Variants in EXOC6B observed in about 807,000 individuals in gnomAD.
EXOC6B encodes the protein SEC15 homolog B.
EXOC6B carries 54 observed loss-of-function variants against 113.5 expected under a neutral mutation model. The observed-to-expected ratio is 0.48, with a 90% CI of 0.38 to 0.60. The LOEUF (loss-of-function observed/expected upper bound fraction) is 0.60. EXOC6B is among the 20% of genes least tolerant of loss of function. The pLI, the probability that EXOC6B is intolerant of heterozygous loss-of-function variation, is 0.00. For missense variants in EXOC6B, 797 were observed against 977.5 expected, an observed-to-expected ratio of 0.82 and a Z score of 2.46; for synonymous variants, 357 against 339.0, an observed-to-expected ratio of 1.05 and a Z score of -0.58.
intron 18 of EXOC6B, among the ~76,000 whole-genome samples, chr2:72,449,946 ATC>A (rs1696814342): frequency 6.6e-6 from 1 of 152,214 alleles, no homozygotes; most frequent in Non-Finnish European, 1.5e-5. Context: ...ACTCTTATTT[ATC>A]TCTGTCTAAC....
intron 13 of EXOC6B, among the ~76,000 whole-genome samples, chr2:72,497,418 C>T (rs1700097404): frequency 6.6e-6 from 1 of 152,062 alleles, no homozygotes; most frequent in South Asian, 2.1e-4. Context: ...GATAGGTTCT[C>T]TCTCCTTAAA....
chr2:72,739,437 T>C (rs767257688), intron 2 of EXOC6B, among the ~76,000 whole-genome samples: 22 of 152,130 alleles, frequency 1.4e-4, no homozygotes, highest in Non-Finnish European at 3.1e-4. Flanking sequence ...AATCTTCATA[T>C]ATAAGGATAT....
chr2:72,286,055 T>C (rs1459682339), intron 20 of EXOC6B, among the ~76,000 whole-genome samples: 1 of 152,162 alleles, frequency 6.6e-6, no homozygotes, highest in Non-Finnish European at 1.5e-5. Flanking sequence ...TGCAAAATGG[T>C]ATAGTCACTT....
intron 5 of EXOC6B, among the ~76,000 whole-genome samples, chr2:72,725,672 G>A (rs900768289): frequency 5.3e-5 from 8 of 152,162 alleles, no homozygotes; most frequent in Non-Finnish European, 1.2e-4. Context: ...GATTACAGGC[G>A]TAAGCCACCA....
chr2:72,302,249 T>A (rs926928547), intron 20 of EXOC6B, among the ~76,000 whole-genome samples: 4 of 152,232 alleles, frequency 2.6e-5, no homozygotes, highest in African/African-American at 4.8e-5. Flanking sequence ...AGGATTGTTT[T>A]ATGTTCGATT....
chr2:72,691,597 T>TA (rs886758358), intron 6 of EXOC6B, among the ~76,000 whole-genome samples: 2 of 151,362 alleles, frequency 1.3e-5, no homozygotes, highest in Non-Finnish European at 2.9e-5. Context: ...ACTATATGGG[T>TA]AAAAAAAATT....
At chr2:72,547,674 G>A (rs531673505) in intron 8 of EXOC6B, among the ~76,000 whole-genome samples, 4 of 152,254 alleles carry the variant, frequency 2.6e-5, no homozygotes, top group African/African-American at 9.6e-5. Context: ...TTGTATAAAG[G>A]AGCTTAAAGT....
intron 18 of EXOC6B, among the ~76,000 whole-genome samples, chr2:72,459,337 G>A (rs1329357250): frequency 2.0e-5 from 3 of 152,154 alleles, no homozygotes; most frequent in Non-Finnish European, 4.4e-5. Context: ...TCAACATAGT[G>A]TTGGAAGTTC....
chr2:72,228,715 G>T (rs1175108626), intron 20 of EXOC6B, among the ~76,000 whole-genome samples: 7 of 152,130 alleles, frequency 4.6e-5, no homozygotes, highest in Non-Finnish European at 1.0e-4. Context: ...GAATAGTGCT[G>T]CAATAAACAT....
chr2:72,825,694 G>T lies in EXOC6B; in HGVS notation c.113+104C>A. 7.5e-7 allele frequency: 1 copy of T among 1,325,786 alleles called. No homozygotes were observed. Among genetic ancestry groups the T allele is most frequent in the Non-Finnish European group, 9.9e-7 (1 of 1,013,820 alleles). The allele number at this position is 1,325,786 out of a possible 1,614,324, so 82.1% of individuals were successfully genotyped here. On this transcript the variant is annotated intron_variant, in intron 1 of 21. Transcript: ENST00000272427. This position sits in a 1 kb window ranked among gnomAD's most constrained non-coding sequence, Gnocchi z 4.4. ...GTATGCAGGGTCTCTCCGAAGGGAG[G>T]GGCCGGCGCCGGACCTGGGGACAGC...
At chr2:72,375,627 T>A (rs1261100427) in intron 19 of EXOC6B, among the ~76,000 whole-genome samples, 1 of 152,060 alleles carries the variant, frequency 6.6e-6, no homozygotes, top group East Asian at 1.9e-4. Flanking sequence ...AATTAAAACA[T>A]GACATATCAA....
Position 72,271,401 on chromosome 2 carries a change from G to C in EXOC6B, c.2196+63546C>G, listed in dbSNP as rs147878811. On this transcript the variant is annotated intron_variant, in intron 20 of 21. Transcript: ENST00000272427. The stretch of plus-strand genomic sequence containing the variant: ...CAGTATCTCTTGAGGAGGAGGCCTT[G>C]AGAGTCAAAGTCTGTCAAATGAGGT... 6.0e-3 allele frequency among the ~76,000 whole-genome samples: 912 copies of C among 152,224 alleles called. 4 individuals carry two copies. Among genetic ancestry groups the C allele is most frequent in the Non-Finnish European group, 9.8e-3 (664 of 68,006 alleles).
intron 8 of EXOC6B, among the ~76,000 whole-genome samples, chr2:72,516,158 G>A (rs557410337): frequency 2.0e-5 from 3 of 152,152 alleles, no homozygotes; most frequent in African/African-American, 7.2e-5. Flanking sequence ...AGTTTATGGG[G>A]CCTTGTTACA....
At chr2:72,824,621 C>A (rs1233238297) in intron 1 of EXOC6B, among the ~76,000 whole-genome samples, 2 of 152,026 alleles carry the variant, frequency 1.3e-5, no homozygotes, top group Non-Finnish European at 2.9e-5. Context: ...AAAACGCAAG[C>A]AGTGAGTAAT....
intron 18 of EXOC6B, among the ~76,000 whole-genome samples, chr2:72,396,782 T>TA (rs1053405992): frequency 3.4e-4 from 51 of 151,578 alleles, no homozygotes; most frequent in African/African-American, 6.3e-4. Context: ...AAGTAAAAGG[T>TA]AAAAAAAACC....
chr2:72,747,719 C>A (rs755824077), intron 1 of EXOC6B, among the ~76,000 whole-genome samples: 1 of 152,006 alleles, frequency 6.6e-6, no homozygotes, highest in Non-Finnish European at 1.5e-5. Context: ...CAATCTTGTT[C>A]CCTGGACCTA....
rs549977188 is a variant in EXOC6B, at chr2:72,245,771, C to G, written c.2197-61584G>C. On this transcript the variant is annotated intron_variant, in intron 20 of 21. Transcript: ENST00000272427. ...CAGAATGTACAATACAAAGAACAGA[C>G]CATTATGTAAATTATGGAACTTAAA... Among the ~76,000 whole-genome samples, 16 of 152,110 alleles carry G rather than the reference C, an allele frequency of 1.1e-4. 1 individual carries two copies. The South Asian group carries it at 3.3e-3, about 32-fold the overall frequency.
chr2:72,774,773 C>G (rs772755631), intron 1 of EXOC6B, among the ~76,000 whole-genome samples: 31 of 152,244 alleles, frequency 2.0e-4, no homozygotes, highest in Non-Finnish European at 3.4e-4. Flanking sequence ...GAGTTAGCAT[C>G]AGACTCCACA....
intron 20 of EXOC6B, among the ~76,000 whole-genome samples, chr2:72,256,854 A>G (rs900519922): frequency 6.6e-6 from 1 of 152,186 alleles, no homozygotes; most frequent in Non-Finnish European, 1.5e-5. Context: ...GAGACATATT[A>G]TCATAATTTC....
Sources: gnomAD v4.1 joint callset for allele counts (sites outside exome capture counted in the v4.1 genomes callset) on GRCh38, gnomAD v4.1.1 for gene constraint, Gnocchi (gnomAD v3.1) non-coding constraint, MANE v1.5 for transcripts, NCBI Gene and HGNC (gene_info 2026-07-23, HGNC 2026-07-21) for gene names.